PRAG1: variants seen among roughly 807,000 people sequenced by gnomAD.
The protein encoded by PRAG1 is PEAK1 related, kinase-activating pseudokinase 1.
A neutral mutation model predicts 95.6 loss-of-function variants in PRAG1; 110 were observed. The ratio of observed to expected loss-of-function variants is 1.15; its 90% CI spans 0.99 to 1.35. PRAG1 has a LOEUF of 1.35. Among genes scored for constraint, PRAG1 ranks in the 40% most tolerant of loss-of-function variants. The probability of loss-of-function intolerance (pLI) is 0.00; values close to 1 mark genes in which losing one functional copy is unlikely to be tolerated. For synonymous variants in PRAG1, 1,052 were observed against 819.4 expected (o/e 1.28, Z -4.85); for missense variants, 2,554 against 1,864.7 (o/e 1.37, Z -6.81).
In PRAG1 at chr8:8,381,625, C is replaced by G. The variant is rs765141554; in HGVS notation, c.123G>C (p.Gln41His). The stretch of plus-strand genomic sequence containing the variant: ...TGGGCTGGGGAGGGCCGGCCACCAG[C>G]TGGTGGTCGCTCCGCAGGCAGAAGC... Reference protein sequence around the residue: ...KNCFCLRSDHQLVAGPPQPRA... With the variant: ...KNCFCLRSDHHLVAGPPQPRA... The change falls in exon 2 of 6, where the codon CAG (glutamine) becomes CAC (histidine). Residue 41 changes from glutamine (Q) to histidine (H), a missense_variant. Coordinates refer to ENST00000615670, the MANE Select transcript of PRAG1 (RefSeq NM_001080826.3). 6.8e-6 allele frequency: 11 copies of G among 1,613,868 alleles called. No homozygotes were observed. The highest frequency in any genetic ancestry group is 3.3e-5 in the South Asian group (3 of 91,054).
At chr8:8,373,386 A>G (rs1800277160) in intron 3 of PRAG1, among the ~76,000 whole-genome samples, 1 of 151,970 alleles carries the variant, frequency 6.6e-6, no homozygotes, top group Non-Finnish European at 1.5e-5. Flanking sequence ...AATATATTCT[A>G]GTTTATTTTG....
intron 2 of PRAG1, 134 bp from the exon 3 acceptor site, chr8:8,378,212 G>C: frequency 9.8e-7 from 1 of 1,023,344 alleles, no homozygotes; most frequent in South Asian, 1.9e-5. Flanking sequence ...CGCTGGGGCC[G>C]GGGACTCAGT....
At position 8,328,261 on chromosome 8, in the gene PRAG1, C is replaced by T. The variant is rs557554757; in HGVS notation, c.2521G>A (p.Gly841Arg). Residue 841 changes from glycine to arginine, a missense_variant, in exon 5 of 6, where the codon GGA becomes AGA. By Grantham distance (125) the Gly-to-Arg change is moderately radical. Coordinates refer to ENST00000615670, the MANE Select transcript of PRAG1 (RefSeq NM_001080826.3). The stretch of plus-strand genomic sequence containing the variant: ...AGGTTCAGCTTGGGGCTTGCTGTTC[C>T]GGGCTTGGGGGAGCCTTGGGTCCAG... ...FFWTQGSPKP[G>R]TASPKLNLSH... 3.8e-5 allele frequency: 62 copies of T among 1,614,048 alleles called. 1 individual carries two copies. The highest frequency in any genetic ancestry group is 3.7e-4 in the South Asian group (34 of 91,078).
At position 8,368,402 on chromosome 8, in the gene PRAG1, G is replaced by T. The variant is rs149120249; in HGVS notation, c.2162+7845C>A. Among the ~76,000 whole-genome samples, 134 of 152,254 alleles carry T rather than the reference G, an allele frequency of 8.8e-4. 1 individual carries two copies. The Middle Eastern group carries it at 0.024, about 27-fold the overall frequency. On this transcript the variant is annotated intron_variant, in intron 3 of 5. Transcript: ENST00000615670. ...CACTCCTAACGCCCAACATTTTTAG[G>T]GCTCTGCCCAAAAGTCAATAGAAAG... is the stretch of plus-strand genomic sequence containing the variant.
rs1798317510 is a variant in PRAG1 at position 8,317,744 on chromosome 8, C to G, written c.*410G>C. ...AGGATAAAGAGCTTTGCTCATGACT[C>G]AACCAAAAAAAATTTTAATGGAATT... On this transcript the variant is annotated 3_prime_UTR_variant, in exon 6 of 6. Transcript: ENST00000615670. 6.6e-6 allele frequency: 1 copy of G among 151,210 alleles called. No individual in the cohort carries two copies. Among genetic ancestry groups the G allele is most frequent in the South Asian group, 2.1e-4 (1 of 4,818 alleles). 9.4% of individuals were successfully genotyped at this position (151,210 alleles called of 1,614,324 possible).
intron 5 of PRAG1, among the ~76,000 whole-genome samples, chr8:8,319,818 A>G (rs780942345): frequency 5.9e-5 from 9 of 152,236 alleles, no homozygotes; most frequent in South Asian, 4.1e-4. Context: ...AAAAATTTGT[A>G]AATGGCCACA....
At chr8:8,339,446 C>G in intron 4 of PRAG1, 32 bp downstream of exon 4, 1 of 1,609,818 alleles carries the variant, frequency 6.2e-7, no homozygotes. Flanking sequence ...CCAGGAGAAT[C>G]TAAGCCTCTC....
At chr8:8,340,333 C>G (rs970311455) in intron 3 of PRAG1, among the ~76,000 whole-genome samples, 8 of 152,242 alleles carry the variant, frequency 5.3e-5, no homozygotes, top group Non-Finnish European at 7.3e-5. Context: ...GAGAAAAACA[C>G]TCACATTGGA....
rs575951756 is a variant in PRAG1, at chr8:8,342,421, C to A, written c.2163-2786G>T. 4.0e-4 allele frequency among the ~76,000 whole-genome samples: 61 copies of A among 152,066 alleles called. 1 individual carries two copies. In the South Asian group the frequency reaches 5.2e-3, roughly 13 times the overall value. ...CCGTGTTAGCCAGGATGGTCTCGAC[C>A]CCCTGACCTCGTGATCTGCCCGCCT... On this transcript the variant is annotated intron_variant, in intron 3 of 5. Coordinates refer to ENST00000615670, the MANE Select transcript of PRAG1 (RefSeq NM_001080826.3).
intron 3 of PRAG1, among the ~76,000 whole-genome samples, chr8:8,344,440 A>T (rs1316840496): frequency 1.3e-5 from 2 of 152,250 alleles, no homozygotes; most frequent in Non-Finnish European, 2.9e-5. Context: ...TACATGTTTT[A>T]CGGAGCACAT....
At chr8:8,358,419 T>C (rs1799746820) in intron 3 of PRAG1, among the ~76,000 whole-genome samples, 1 of 152,130 alleles carries the variant, frequency 6.6e-6, no homozygotes, top group Non-Finnish European at 1.5e-5. Context: ...CCATTAGTGA[T>C]CAACTTAACC....
At chr8:8,379,290 A>G (rs1393155377) in intron 2 of PRAG1, among the ~76,000 whole-genome samples, 1 of 152,124 alleles carries the variant, frequency 6.6e-6, no homozygotes, top group Non-Finnish European at 1.5e-5. Flanking sequence ...GGGCTATGAG[A>G]CAGAGATGTG....
chr8:8,366,484 T>C (rs1800012767), intron 3 of PRAG1, among the ~76,000 whole-genome samples: 1 of 152,056 alleles, frequency 6.6e-6, no homozygotes, highest in East Asian at 1.9e-4. Flanking sequence ...TGGCTAATTT[T>C]TTTACTTTTA....
chr8:8,377,885 A>G lies in PRAG1; in HGVS notation c.524T>C (p.Ile175Thr), dbSNP rs1342455164. 6.2e-7 allele frequency: 1 copy of G among 1,613,924 alleles called. No homozygotes were observed. The highest frequency in any genetic ancestry group is 2.2e-5 in the East Asian group (1 of 44,858). The change falls in exon 3 of 6, where the codon ATT becomes ACT. Residue 175 changes from isoleucine (I) to threonine (T), a missense_variant. Physicochemically the swap from Ile to Thr is moderately conservative, Grantham distance 89 (BLOSUM62 -1). Transcript: ENST00000615670. Reference protein sequence around the residue: ...HNLEPRGERNIAFHPVSFPEE... With the variant: ...HNLEPRGERNTAFHPVSFPEE... ...CGGGAAGCTCACCGGGTGGAAGGCA[A>G]TGTTCCTCTCGCCGCGGGGCTCAAG...
intron 1 of PRAG1, among the ~76,000 whole-genome samples, chr8:8,382,171 A>G (rs962363136): frequency 6.6e-6 from 1 of 152,176 alleles, no homozygotes. Context: ...AGGGTTTAAG[A>G]TGAGAAGCTG....
chr8:8,342,492 G>A (rs1383482654), intron 3 of PRAG1, among the ~76,000 whole-genome samples: 1 of 152,012 alleles, frequency 6.6e-6, no homozygotes, highest in Admixed American at 6.6e-5. Flanking sequence ...CACCGCGCCC[G>A]GCCTTATCTC....
At chr8:8,358,922 A>G (rs1298063421) in intron 3 of PRAG1, among the ~76,000 whole-genome samples, 1 of 152,250 alleles carries the variant, frequency 6.6e-6, no homozygotes, top group African/African-American at 2.4e-5. Flanking sequence ...TATAGAAGCA[A>G]TAACATTTCC....
intron 3 of PRAG1, among the ~76,000 whole-genome samples, chr8:8,368,855 A>C (rs1161927667): frequency 6.6e-6 from 1 of 151,654 alleles, no homozygotes; most frequent in Non-Finnish European, 1.5e-5. Flanking sequence ...AAGTGTTTAG[A>C]TGATTACTAC....
At chr8:8,382,562 G>A (rs1366597433) in intron 1 of PRAG1, among the ~76,000 whole-genome samples, 2 of 152,206 alleles carry the variant, frequency 1.3e-5, no homozygotes, top group African/African-American at 4.8e-5. Context: ...CAAATTCATG[G>A]TCAAAGGTGG....
Sources: gnomAD v4.1 joint callset for allele counts (sites outside exome capture counted in the v4.1 genomes callset) on GRCh38, gnomAD v4.1.1 for gene constraint, MANE v1.5 for transcripts, NCBI Gene and HGNC (gene_info 2026-07-23, HGNC 2026-07-21) for gene names.